Variants in MZT2A observed in about 807,000 individuals in gnomAD.
MZT2A encodes the protein mitotic-spindle organizing protein 2A.
Under a neutral mutation model 12.4 loss-of-function variants are expected in MZT2A, and 8 were observed. The ratio of observed to expected loss-of-function variants is 0.64; its 90% CI spans 0.38 to 1.16. The LOEUF is 1.16. Ranked by LOEUF, MZT2A falls within the 50% of genes most tolerant of loss-of-function variation. The probability of loss-of-function intolerance (pLI) is 0.01; values close to 1 mark genes in which losing one functional copy is unlikely to be tolerated. For missense variants in MZT2A, 181 were observed against 223.6 expected (o/e 0.81, Z 1.22); for synonymous variants, 88 against 107.5 (o/e 0.82, Z 1.12).
chr2:131,481,534 C>A (rs1232974672), downstream of MZT2A, among the ~76,000 whole-genome samples: 2 of 150,838 alleles, frequency 1.3e-5, no homozygotes, highest in African/African-American at 4.9e-5. Flanking sequence ...CTCCCGGGCT[C>A]AAGCAGTTCT....
At chr2:131,493,015 G>A (rs1679413757), upstream of MZT2A, 20 of 1,492,604 alleles carry the variant, frequency 1.3e-5, no homozygotes, top group Admixed American at 2.3e-5. Flanking sequence ...GGCCCAAAGA[G>A]GTAGAAGCGC....
intron 4 of MZT2A, chr2:131,469,955 T>C (rs1704948360): frequency 4.1e-6 from 1 of 242,384 alleles, no homozygotes. Context: ...AGGCACCCAA[T>C]ACCATGCCTG....
chr2:131,477,999 T>C (rs1002819666), intron 2 of MZT2A, among the ~76,000 whole-genome samples: 3 of 152,192 alleles, frequency 2.0e-5, no homozygotes, highest in African/African-American at 7.2e-5. Context: ...CAATTAGTTT[T>C]CACAGCGATA....
At position 131,472,155 on chromosome 2, in the gene MZT2A, C is replaced by T. The variant is rs185711415; in HGVS notation, c.308G>A (p.Arg103Gln). The T allele has an allele frequency of 3.0e-3, 3,921 of 1,288,482 alleles. 95 individuals are homozygous for T. The African/African-American group carries it at 0.052, about 17-fold the overall frequency. 79.8% of individuals were successfully genotyped at this position (1,288,482 alleles called of 1,614,324 possible). Residue 103 changes from arginine to glutamine, a missense_variant and NMD_transcript_variant, in exon 3 of 5, where the codon CGG (arginine) becomes CAG (glutamine). Arg to Gln is a conservative substitution (Grantham distance 43, BLOSUM62 1). Transcript: ENST00000427024. ...GCTGTGTGAAATCTTGTTGAGGCGC[C>T]GCCTTGTCCTCAAGTTGTCACTCAA...
intron 2 of MZT2A, among the ~76,000 whole-genome samples, chr2:131,475,708 G>A (rs977163683): frequency 3.9e-5 from 6 of 152,152 alleles, no homozygotes; most frequent in African/African-American, 1.4e-4. Flanking sequence ...GGAAGAGGGG[G>A]ATAATTGCGG....
At chr2:131,491,299 G>A (rs953472762) in intron 2 of MZT2A, 3 of 301,030 alleles carry the variant, frequency 1.0e-5, no homozygotes, top group Non-Finnish European at 1.9e-5. Context: ...GGAGTTCCGC[G>A]TCTAACTCTC....
chr2:131,484,450 C>T (rs1019354858), intron 2 of MZT2A, among the ~76,000 whole-genome samples: 19 of 152,184 alleles, frequency 1.2e-4, no homozygotes, highest in African/African-American at 3.9e-4. Context: ...GTCCTAGGAG[C>T]GAAGCCACGC....
intron 2 of MZT2A, chr2:131,490,559 C>T: frequency 6.7e-7 from 1 of 1,503,206 alleles, no homozygotes; most frequent in South Asian, 1.3e-5. Flanking sequence ...TAAACCGAGT[C>T]AGAAATAGTG....
At chr2:131,479,495 G>C (rs142152994), downstream of MZT2A, 82,694 of 1,523,606 alleles carry the variant, frequency 0.054, 4,360 homozygotes, top group Middle Eastern at 0.068. Flanking sequence ...TTTCTTGCAT[G>C]GGAGGGGTAG....
intron 2 of MZT2A, chr2:131,478,287 G>A: frequency 6.2e-7 from 1 of 1,614,040 alleles, no homozygotes; most frequent in Non-Finnish European, 8.5e-7. Flanking sequence ...TAAAACCATT[G>A]GTGGCGGGGA....
chr2:131,472,759 G>A (rs1414967717), intron 2 of MZT2A, among the ~76,000 whole-genome samples: 1 of 152,172 alleles, frequency 6.6e-6, no homozygotes, highest in East Asian at 1.9e-4. Context: ...TCACATCAAC[G>A]AAATTACCTG....
chr2:131,481,309 C>T (rs1474796915), downstream of MZT2A, among the ~76,000 whole-genome samples: 1 of 151,248 alleles, frequency 6.6e-6, no homozygotes, highest in Non-Finnish European at 1.5e-5. Context: ...TGCTTTGTCC[C>T]CCAGGCTGTA....
intron 3 of MZT2A, among the ~76,000 whole-genome samples, chr2:131,471,552 T>C (rs190609901): frequency 6.3e-4 from 95 of 150,910 alleles, no homozygotes; most frequent in African/African-American, 2.3e-3. Context: ...AAACCAAATT[T>C]ATAAAGGAGT....
At chr2:131,478,226 A>G in intron 2 of MZT2A, 3 of 1,614,108 alleles carry the variant, frequency 1.9e-6, no homozygotes, top group Middle Eastern at 3.3e-4. Flanking sequence ...CCTGCTGGGA[A>G]CTGTACTGCC....
At chr2:131,493,728 G>C (rs149986664), upstream of MZT2A, among the ~76,000 whole-genome samples, 515 of 152,294 alleles carry the variant, frequency 3.4e-3, 2 homozygotes, top group African/African-American at 0.012. Context: ...GAGAAAATAG[G>C]TGTTGGAGAG....
At chr2:131,482,839 A>G (rs755244870), downstream of MZT2A, 2 of 1,613,606 alleles carry the variant, frequency 1.2e-6, no homozygotes, top group Non-Finnish European at 1.7e-6. Flanking sequence ...AAGAAGGCGA[A>G]GAATACTGAG....
chr2:131,475,749 G>T (rs915864586), intron 2 of MZT2A, among the ~76,000 whole-genome samples: 1 of 152,116 alleles, frequency 6.6e-6, no homozygotes, highest in Non-Finnish European at 1.5e-5. Flanking sequence ...ATGGCGGCAA[G>T]GCCTCTCAGA....
intron 2 of MZT2A, chr2:131,486,286 T>C (rs1679047349): frequency 6.0e-6 from 1 of 166,900 alleles, no homozygotes. Context: ...AAGGATTCTG[T>C]CTTCCATGAG....
chr2:131,493,072 C>T (rs879911866), upstream of MZT2A: 12 of 1,495,788 alleles, frequency 8.0e-6, no homozygotes, highest in Middle Eastern at 3.5e-4. Flanking sequence ...AGCTTGATGA[C>T]GACGTTTTGG....
Sources: allele counts gnomAD v4.1 joint callset (sites outside exome capture counted in the v4.1 genomes callset), GRCh38; gene constraint gnomAD v4.1.1; transcripts MANE v1.5; gene names NCBI Gene and HGNC (gene_info 2026-07-23, HGNC 2026-07-21).